CNTLN: variants seen among roughly 807,000 people sequenced by gnomAD.
The protein encoded by CNTLN is centlein, also known as centlein, centrosomal protein.
Under a neutral mutation model 180.0 loss-of-function variants are expected in CNTLN, and 212 were observed. The ratio of observed to expected loss-of-function variants is 1.18; its 90% CI spans 1.05 to 1.32. The LOEUF is 1.32. Among genes scored for constraint, CNTLN ranks in the 40% most tolerant of loss-of-function variants. CNTLN has a pLI of 0.00. For missense variants in CNTLN, 2,095 were observed against 1,610.9 expected (o/e 1.30, Z -5.14); for synonymous variants, 722 against 563.1 (o/e 1.28, Z -3.99).
chr9:17,265,226 A>G (rs1827324494), intron 5 of CNTLN, among the ~76,000 whole-genome samples: 1 of 151,132 alleles, frequency 6.6e-6, no homozygotes, highest in Non-Finnish European at 1.5e-5. Context: ...TCAATACCTA[A>G]TTTATTGAGA....
In CNTLN at chr9:17,143,351, C is replaced by G. The variant is rs370215475; in HGVS notation, c.424C>G (p.Gln142Glu). 3 of 1,613,450 alleles carry G rather than the reference C, an allele frequency of 1.9e-6. No individual in the cohort carries two copies. Among genetic ancestry groups the G allele is most frequent in the South Asian group, 2.2e-5 (2 of 91,044 alleles). The change falls in exon 2 of 26, where the codon CAA becomes GAA. Residue 142 changes from glutamine to glutamate, a missense_variant. Physicochemically the swap from Gln to Glu is conservative, Grantham distance 29 (BLOSUM62 2). Transcript: ENST00000380647. Reference sequence around the variant, plus strand: ...CCAGGTTACAAACCCAGATCTCACACAAGTGGTCAGTTTGGTTGTGGAAAG... The same window carrying G: ...CCAGGTTACAAACCCAGATCTCACAGAAGTGGTCAGTTTGGTTGTGGAAAG... ...RLQVTNPDLT[Q>E]VVSLVVEREK...
At chr9:17,310,702 T>G (rs1819072715) in intron 8 of CNTLN, among the ~76,000 whole-genome samples, 1 of 152,170 alleles carries the variant, frequency 6.6e-6, no homozygotes, top group Non-Finnish European at 1.5e-5. Flanking sequence ...ATAAAAGAGA[T>G]CTGGTTGTTT....
At chr9:17,260,972 T>C (rs752841801) in intron 5 of CNTLN, among the ~76,000 whole-genome samples, 11 of 151,490 alleles carry the variant, frequency 7.3e-5, no homozygotes, top group Non-Finnish European at 1.2e-4. Flanking sequence ...TTGTTAAGGA[T>C]CAGGTAATTG....
In CNTLN at chr9:17,236,394, G is replaced by A; in HGVS notation, c.670-15G>A. ...TTTTGTTTTATTTATTTGCCCTTGT[G>A]GTACTGTTCTACAGGACACTAAGGA... On this transcript the variant is annotated splice_polypyrimidine_tract_variant and intron_variant, in intron 4 of 25. Coordinates refer to ENST00000380647, the MANE Select transcript of CNTLN (RefSeq NM_017738.4). 6.5e-7 allele frequency: 1 copy of A among 1,548,776 alleles called. No individual in the cohort carries two copies.
Position 17,325,704 on chromosome 9 carries a change from G to A in CNTLN, c.1342-4928G>A, listed in dbSNP as rs111475427. On this transcript the variant is annotated intron_variant, in intron 8 of 25. Transcript: ENST00000380647. ...TTTGCTATAGGCTTTGTTATGTGTTGACAGGTTTGGAATTCGTAAATTTCT... is the reference window on the plus strand; with the variant it reads ...TTTGCTATAGGCTTTGTTATGTGTTAACAGGTTTGGAATTCGTAAATTTCT... Among the ~76,000 whole-genome samples, 1,335 of 151,926 alleles carry A rather than the reference G, an allele frequency of 8.8e-3. 16 individuals are homozygous for A. The highest frequency in any genetic ancestry group is 0.029 in the African/African-American group (1,218 of 41,490).
At chr9:17,208,503 T>C (rs932906149) in intron 2 of CNTLN, among the ~76,000 whole-genome samples, 1 of 152,208 alleles carries the variant, frequency 6.6e-6, no homozygotes, top group African/African-American at 2.4e-5. Flanking sequence ...TTTGGAAGTG[T>C]TCTCTTCCTG....
chr9:17,427,164 T>G (rs1424767769), intron 18 of CNTLN, among the ~76,000 whole-genome samples: 1 of 152,140 alleles, frequency 6.6e-6, no homozygotes, highest in African/African-American at 2.4e-5. Context: ...TTCCTGAAGT[T>G]GCTGGCCCTG....
intron 5 of CNTLN, among the ~76,000 whole-genome samples, chr9:17,267,555 C>T (rs1426326264): frequency 2.0e-5 from 3 of 151,696 alleles, no homozygotes; most frequent in Admixed American, 6.6e-5. Context: ...TTGTGGCGTT[C>T]TCTGTGTTTC....
At chr9:17,301,449 T>C in intron 7 of CNTLN, 1 of 985,436 alleles carries the variant, frequency 1.0e-6, no homozygotes, top group South Asian at 4.7e-5. Flanking sequence ...AACCTAATAA[T>C]TGGCTTACTT....
chr9:17,262,543 GA>G (rs1180784371), intron 5 of CNTLN, among the ~76,000 whole-genome samples: 1 of 151,458 alleles, frequency 6.6e-6, no homozygotes, highest in Non-Finnish European at 1.5e-5. Flanking sequence ...ATGAACACAG[GA>G]AGGGGAGCAT....
chr9:17,402,191 C>CA (rs1827033279), intron 15 of CNTLN, among the ~76,000 whole-genome samples: 1 of 151,804 alleles, frequency 6.6e-6, no homozygotes, highest in South Asian at 2.1e-4. Context: ...GAGGCTGCAG[C>CA]AGTGGCAGAT....
chr9:17,328,484 C>A (rs999471735), intron 8 of CNTLN, among the ~76,000 whole-genome samples: 5 of 152,172 alleles, frequency 3.3e-5, no homozygotes, highest in African/African-American at 1.2e-4. Context: ...CCCTCCTTAC[C>A]ACTCAGCAGT....
At chr9:17,499,846 G>T (rs532955290) in intron 25 of CNTLN, among the ~76,000 whole-genome samples, 84 of 152,156 alleles carry the variant, frequency 5.5e-4, no homozygotes, top group Middle Eastern at 3.4e-3. Flanking sequence ...TGAATTTACA[G>T]TTAGCAATAA....
chr9:17,143,450 C>T (rs1289283016), intron 2 of CNTLN, 74 bp downstream of exon 2: 1 of 1,028,062 alleles, frequency 9.7e-7, no homozygotes, highest in Non-Finnish European at 1.5e-6. Context: ...AAAGTTAGTA[C>T]TTATCATTAA....
intron 2 of CNTLN, among the ~76,000 whole-genome samples, chr9:17,145,258 T>A (rs1477608183): frequency 6.6e-6 from 1 of 152,230 alleles, no homozygotes; most frequent in African/African-American, 2.4e-5. Context: ...AATTCTGATG[T>A]CTGTAGATTA....
At chr9:17,201,943 A>T (rs1822561380) in intron 2 of CNTLN, among the ~76,000 whole-genome samples, 1 of 152,076 alleles carries the variant, frequency 6.6e-6, no homozygotes, top group African/African-American at 2.4e-5. Flanking sequence ...TCGATTTTAG[A>T]TCTTTCCAGC....
chr9:17,267,069 G>T (rs371039345), intron 5 of CNTLN, among the ~76,000 whole-genome samples: 1 of 152,090 alleles, frequency 6.6e-6, no homozygotes, highest in Non-Finnish European at 1.5e-5. Context: ...GTGTGAATTT[G>T]GGCCTGTCAT....
intron 23 of CNTLN, among the ~76,000 whole-genome samples, chr9:17,480,465 T>C (rs1202392138): frequency 1.3e-5 from 2 of 152,190 alleles, no homozygotes; most frequent in African/African-American, 4.8e-5. Context: ...CAAAATTTGA[T>C]GGAAATTGAT....
intron 2 of CNTLN, among the ~76,000 whole-genome samples, chr9:17,152,649 A>G (rs2779769): frequency 0.33 from 49,755 of 151,922 alleles, 10,212 homozygotes; most frequent in East Asian, 0.59. Context: ...GATTTGGGGT[A>G]GAGAGTTCTG....
Sources: allele counts gnomAD v4.1 joint callset (sites outside exome capture counted in the v4.1 genomes callset), GRCh38; gene constraint gnomAD v4.1.1; transcripts MANE v1.5; gene names NCBI Gene and HGNC (gene_info 2026-07-23, HGNC 2026-07-21).